Variants in KIAA0825 observed in about 807,000 individuals in gnomAD.
KIAA0825 encodes the protein uncharacterized protein KIAA0825.
KIAA0825 carries 119 observed loss-of-function variants against 147.6 expected under a neutral mutation model. That is an observed-to-expected ratio of 0.81 (90% CI 0.69 to 0.94). The LOEUF (loss-of-function observed/expected upper bound fraction) is 0.94. Among genes scored for constraint, KIAA0825 ranks in the 40% least tolerant of loss-of-function variants. The pLI is 0.00. For missense variants in KIAA0825, 1,381 were observed against 1,472.7 expected, an observed-to-expected ratio of 0.94 and a Z score of 1.02; for synonymous variants, 470 against 518.1, an observed-to-expected ratio of 0.91 and a Z score of 1.26.
At chr5:94,200,242 G>T (rs772289473) in intron 20 of KIAA0825, among the ~76,000 whole-genome samples, 2 of 152,148 alleles carry the variant, frequency 1.3e-5, no homozygotes, top group African/African-American at 4.8e-5. Context: ...CTGGAGATCC[G>T]TGATAAGAGT....
chr5:94,280,995 A>G (rs996198009), intron 20 of KIAA0825, among the ~76,000 whole-genome samples: 1 of 152,128 alleles, frequency 6.6e-6, no homozygotes, highest in African/African-American at 2.4e-5. Flanking sequence ...CCCATACTAT[A>G]CTTCTAAATA....
At chr5:94,166,661 C>G (rs568885221) in intron 20 of KIAA0825, among the ~76,000 whole-genome samples, 1 of 151,966 alleles carries the variant, frequency 6.6e-6, no homozygotes, top group East Asian at 1.9e-4. Flanking sequence ...GCACGCACCA[C>G]CATGCCCAGC....
chr5:94,517,652 C>A (rs951043374), intron 5 of KIAA0825, among the ~76,000 whole-genome samples: 3 of 150,230 alleles, frequency 2.0e-5, no homozygotes, highest in African/African-American at 7.3e-5. Context: ...TCATTTAAAT[C>A]ATATACATTT....
At chr5:94,500,098 A>G (rs889919784) in intron 5 of KIAA0825, among the ~76,000 whole-genome samples, 1 of 152,172 alleles carries the variant, frequency 6.6e-6, no homozygotes. Context: ...CTGGAGAGTG[A>G]AAAATATGAG....
At chr5:94,569,902 C>A (rs114461074) in intron 2 of KIAA0825, 2,947 of 157,912 alleles carry the variant, frequency 0.019, 74 homozygotes, top group African/African-American at 0.057. Context: ...TCCTCTTATT[C>A]ACAACCATAG....
At chr5:94,604,675 G>T (rs969699091) in intron 1 of KIAA0825, among the ~76,000 whole-genome samples, 10 of 152,110 alleles carry the variant, frequency 6.6e-5, no homozygotes, top group African/African-American at 1.9e-4. Context: ...AATAAAGGCA[G>T]AAATCAAAAA....
chr5:94,265,079 G>C (rs964806375), intron 20 of KIAA0825, among the ~76,000 whole-genome samples: 2 of 151,940 alleles, frequency 1.3e-5, no homozygotes, highest in Admixed American at 1.3e-4. Flanking sequence ...CACTGTGCCC[G>C]GTCCATACAC....
At chr5:94,453,509 A>G (rs1219032787) in intron 12 of KIAA0825, among the ~76,000 whole-genome samples, 1 of 151,972 alleles carries the variant, frequency 6.6e-6, no homozygotes, top group African/African-American at 2.4e-5. Flanking sequence ...TTTACACAAA[A>G]TGGTATTGTG....
chr5:94,210,361 C>T (rs1772593877), intron 20 of KIAA0825, among the ~76,000 whole-genome samples: 1 of 152,118 alleles, frequency 6.6e-6, no homozygotes, highest in Admixed American at 6.6e-5. Flanking sequence ...GAAGAAAATC[C>T]TTATAACATA....
intron 14 of KIAA0825, among the ~76,000 whole-genome samples, chr5:94,427,961 C>A (rs377354783): frequency 6.6e-6 from 1 of 152,002 alleles, no homozygotes. Flanking sequence ...TATGTAATGC[C>A]CTTCTTTCTT....
intron 20 of KIAA0825, among the ~76,000 whole-genome samples, chr5:94,234,022 C>T (rs2150090638): frequency 6.6e-6 from 1 of 152,226 alleles, no homozygotes; most frequent in African/African-American, 2.4e-5. Flanking sequence ...GTCTCTGTAC[C>T]ACATGTTGGT....
intron 20 of KIAA0825, among the ~76,000 whole-genome samples, chr5:94,225,862 CTCAAGATGGATTAAAGACTTAAA>C (rs1774114307): frequency 6.6e-6 from 1 of 152,092 alleles, no homozygotes; most frequent in Non-Finnish European, 1.5e-5. Context: ...CAAAACTTAA[CTCAAGATGGATTAAAGACTTAAA>C]TGTAAGACCT....
intron 20 of KIAA0825, among the ~76,000 whole-genome samples, chr5:94,176,387 A>G: frequency 6.6e-6 from 1 of 152,264 alleles, no homozygotes; most frequent in African/African-American, 2.4e-5. Flanking sequence ...ATTATGAACT[A>G]AAGAAACCTC....
At chr5:94,344,144 A>T (rs1782729493) in intron 20 of KIAA0825, among the ~76,000 whole-genome samples, 2 of 152,232 alleles carry the variant, frequency 1.3e-5, no homozygotes, top group Admixed American at 1.3e-4. Flanking sequence ...CCCAAGGTTC[A>T]TGTATATCAA....
At chr5:94,235,721 CT>C (rs1232087360) in intron 20 of KIAA0825, among the ~76,000 whole-genome samples, 1 of 152,128 alleles carries the variant, frequency 6.6e-6, no homozygotes, top group Non-Finnish European at 1.5e-5. Flanking sequence ...CAGGTTGCTT[CT>C]TTTTTTAAGG....
chr5:94,512,991 G>C (rs1234833227), intron 5 of KIAA0825, among the ~76,000 whole-genome samples: 1 of 152,140 alleles, frequency 6.6e-6, no homozygotes, highest in African/African-American at 2.4e-5. Context: ...GAGTGACTTA[G>C]CACTCTGTAC....
chr5:94,174,599 G>A (rs994451499), intron 20 of KIAA0825, among the ~76,000 whole-genome samples: 6 of 152,004 alleles, frequency 3.9e-5, no homozygotes, highest in East Asian at 1.9e-4. Flanking sequence ...AAAAATGTAC[G>A]TGATACTATT....
chr5:94,432,720 A>C (rs1755848469), intron 14 of KIAA0825, among the ~76,000 whole-genome samples: 1 of 152,146 alleles, frequency 6.6e-6, no homozygotes, highest in African/African-American at 2.4e-5. Flanking sequence ...CAGTTATTAA[A>C]TTGCACTTTG....
At chr5:94,469,845 C>A in intron 10 of KIAA0825, 116 bp downstream of exon 10, 1 of 772,804 alleles carries the variant, frequency 1.3e-6, no homozygotes, top group Non-Finnish European at 1.9e-6. Context: ...AAAATATTAT[C>A]CTAACAGCCT....
Sources: gnomAD v4.1 joint callset for allele counts (sites outside exome capture counted in the v4.1 genomes callset) on GRCh38, gnomAD v4.1.1 for gene constraint, MANE v1.5 for transcripts, NCBI Gene and HGNC (gene_info 2026-07-23, HGNC 2026-07-21) for gene names.